Variants in EPB41L4B observed in about 807,000 individuals in gnomAD.
EPB41L4B encodes the protein erythrocyte membrane protein band 4.1 like 4B.
A neutral mutation model predicts 112.5 loss-of-function variants in EPB41L4B; 30 were observed. That is an observed-to-expected ratio of 0.27 (90% confidence interval 0.20 to 0.36). The LOEUF is 0.36. Among genes scored for constraint, EPB41L4B ranks in the 10% least tolerant of loss-of-function variants. The pLI is 1.00. For synonymous variants in EPB41L4B, 408 were observed against 439.7 expected (o/e 0.93, Z 0.90); for missense variants, 1,024 against 1,133.3 (o/e 0.90, Z 1.38).
intron 1 of EPB41L4B, among the ~76,000 whole-genome samples, chr9:109,313,924 CT>C (rs1284239042): frequency 1.3e-5 from 2 of 152,216 alleles, no homozygotes; most frequent in Non-Finnish European, 2.9e-5. Context: ...ATGCGCACCC[CT>C]ATTTTAACAG....
At chr9:109,275,226 G>A (rs1184153647) in intron 2 of EPB41L4B, among the ~76,000 whole-genome samples, 1 of 152,226 alleles carries the variant, frequency 6.6e-6, no homozygotes, top group Non-Finnish European at 1.5e-5. Context: ...TATAAGCTGG[G>A]TATGCAGAGA....
At chr9:109,250,421 C>T (rs1834738912) in intron 13 of EPB41L4B, among the ~76,000 whole-genome samples, 1 of 152,178 alleles carries the variant, frequency 6.6e-6, no homozygotes, top group African/African-American at 2.4e-5. Flanking sequence ...CAAAGACCAC[C>T]CTCTCAGCCG....
At chr9:109,175,574 G>A (rs1021814670) in intron 25 of EPB41L4B, among the ~76,000 whole-genome samples, 15 of 150,932 alleles carry the variant, frequency 9.9e-5, no homozygotes, top group African/African-American at 3.7e-4. Context: ...ATGTTGCCCA[G>A]GCTGGACTTG....
chr9:109,259,859 C>T (rs1301664304), intron 6 of EPB41L4B, among the ~76,000 whole-genome samples: 1 of 152,134 alleles, frequency 6.6e-6, no homozygotes, highest in Non-Finnish European at 1.5e-5. Flanking sequence ...GACATGTCTT[C>T]AAGGCTCAAG....
chr9:109,288,761 T>C (rs997563145), intron 1 of EPB41L4B, among the ~76,000 whole-genome samples: 1 of 64,428 alleles, frequency 1.6e-5, no homozygotes, highest in African/African-American at 6.2e-5. Flanking sequence ...AAAAGCTGGG[T>C]GTGGTGGTAT....
At chr9:109,238,107 C>G (rs1277189484) in intron 15 of EPB41L4B, among the ~76,000 whole-genome samples, 1 of 152,108 alleles carries the variant, frequency 6.6e-6, no homozygotes, top group African/African-American at 2.4e-5. Context: ...CTGAGCTTCC[C>G]TATCTATGAA....
chr9:109,178,902 T>TAAAAAAAAAAAAAAA (rs10625718), intron 24 of EPB41L4B, among the ~76,000 whole-genome samples: 3 of 105,124 alleles, frequency 2.9e-5, no homozygotes, highest in Non-Finnish European at 5.3e-5. Context: ...ATACTTCAAG[T>TAAAAAAAAAAAAAAA]AAAAAAAAAA....
intron 19 of EPB41L4B, among the ~76,000 whole-genome samples, chr9:109,201,544 C>T (rs1240418193): frequency 6.6e-6 from 1 of 151,832 alleles, no homozygotes; most frequent in African/African-American, 2.4e-5. Context: ...CTCATGGTTT[C>T]CTCAAGCTGC....
intron 21 of EPB41L4B, among the ~76,000 whole-genome samples, chr9:109,193,020 C>G (rs1238390564): frequency 3.3e-5 from 5 of 152,166 alleles, no homozygotes; most frequent in Admixed American, 3.3e-4. Context: ...TTTCGTTCAG[C>G]CTGGTTTTAA....
intron 1 of EPB41L4B, among the ~76,000 whole-genome samples, chr9:109,285,099 C>T (rs913133967): frequency 1.3e-5 from 2 of 152,198 alleles, no homozygotes; most frequent in African/African-American, 2.4e-5. Flanking sequence ...GCCATGGTGC[C>T]CTGAATACAC....
At chr9:109,182,906 C>T (rs568762585) in intron 23 of EPB41L4B, 109 bp from the exon 24 acceptor site, 62 of 761,360 alleles carry the variant, frequency 8.1e-5, no homozygotes, top group South Asian at 5.8e-4. Flanking sequence ...GGGGTGCCCC[C>T]GCAGAGCCTT....
intron 15 of EPB41L4B, among the ~76,000 whole-genome samples, chr9:109,226,038 T>A (rs1210777251): frequency 6.6e-6 from 1 of 152,228 alleles, no homozygotes; most frequent in African/African-American, 2.4e-5. Context: ...TGTTCTAAGA[T>A]CACCCAAAGA....
chr9:109,267,275 A>G (rs1412751641), intron 4 of EPB41L4B, among the ~76,000 whole-genome samples, 198 bp downstream of exon 4: 1 of 152,246 alleles, frequency 6.6e-6, no homozygotes, highest in Non-Finnish European at 1.5e-5. Context: ...TCTAATTTCT[A>G]TTCACTCAGA....
At chr9:109,230,515 G>T (rs1230923274) in intron 15 of EPB41L4B, among the ~76,000 whole-genome samples, 2 of 152,176 alleles carry the variant, frequency 1.3e-5, no homozygotes, top group Non-Finnish European at 2.9e-5. Context: ...TGCCATGTCC[G>T]ACTGAGAGAT....
At chr9:109,260,666 C>T (rs972102517) in intron 6 of EPB41L4B, among the ~76,000 whole-genome samples, 23 of 152,200 alleles carry the variant, frequency 1.5e-4, no homozygotes, top group Non-Finnish European at 5.9e-5. Context: ...CCACCCGCCT[C>T]GGCCTCCCGA....
chr9:109,263,707 C>A (rs1345390993), intron 5 of EPB41L4B, among the ~76,000 whole-genome samples: 2 of 152,134 alleles, frequency 1.3e-5, no homozygotes, highest in Non-Finnish European at 2.9e-5. Flanking sequence ...GTTTTCAAAG[C>A]CTTTTCATTT....
chr9:109,301,006 T>G (rs1836943321), intron 1 of EPB41L4B: 1 of 152,128 alleles, frequency 6.6e-6, no homozygotes, highest in African/African-American at 2.4e-5. Context: ...ATACCTATAC[T>G]CATAGCCACC....
intron 4 of EPB41L4B, among the ~76,000 whole-genome samples, chr9:109,266,877 G>A (rs1835419321): frequency 6.8e-6 from 1 of 148,106 alleles, no homozygotes; most frequent in Non-Finnish European, 1.5e-5. Flanking sequence ...GCTGAGGCAG[G>A]AGAATCGCTT....
rs948194936 is a variant in EPB41L4B, at chr9:109,173,819, C to A, written c.*735G>T. The A allele has an allele frequency of 6.6e-6, 1 of 152,512 alleles. No homozygotes were observed. The highest frequency in any genetic ancestry group is 1.5e-5 in the Non-Finnish European group (1 of 68,032). 9.4% of individuals were successfully genotyped at this position (152,512 alleles called of 1,614,324 possible). On this transcript the variant is annotated 3_prime_UTR_variant, in exon 26 of 26. Transcript: ENST00000374566. ...AAGATTCTATCAATACGACATGAAT[C>A]GATCAACTTTAGAAATAATTTTCTG... is the stretch of plus-strand genomic sequence containing the variant.
Sources: allele counts gnomAD v4.1 joint callset (sites outside exome capture counted in the v4.1 genomes callset), GRCh38; gene constraint gnomAD v4.1.1; transcripts MANE v1.5; gene names NCBI Gene and HGNC (gene_info 2026-07-23, HGNC 2026-07-21).